The following CACNA2D1 variants were observed in gnomAD, a reference collection of about 807,000 sequenced individuals.
The protein encoded by CACNA2D1 is voltage-dependent calcium channel subunit alpha-2/delta-1.
In CACNA2D1, 53 loss-of-function variants were observed where a neutral mutation model predicts 171.5. That is an observed-to-expected ratio of 0.31 (90% CI 0.25 to 0.39). The LOEUF (loss-of-function observed/expected upper bound fraction) is 0.39, where lower values mean the gene tolerates loss of function less well. Ranked by LOEUF, CACNA2D1 falls within the 10% of genes least tolerant of loss-of-function variation. CACNA2D1 has a pLI of 1.00. For synonymous variants in CACNA2D1, 442 were observed against 443.1 expected (o/e 1.00, Z 0.03); for missense variants, 903 against 1,299.8 (o/e 0.69, Z 4.69).
intron 3 of CACNA2D1, among the ~76,000 whole-genome samples, chr7:82,231,234 C>T (rs561004930): frequency 3.3e-5 from 5 of 152,300 alleles, no homozygotes; most frequent in African/African-American, 7.2e-5. Context: ...TTTACATTTA[C>T]CTGCTCTGGG....
intron 1 of CACNA2D1, among the ~76,000 whole-genome samples, chr7:82,416,765 T>G (rs1828214900): frequency 6.6e-6 from 1 of 152,186 alleles, no homozygotes; most frequent in African/African-American, 2.4e-5. Flanking sequence ...TAAGGTCACA[T>G]TCTGAAGTAC....
chr7:82,185,726 C>G (rs1797666383), intron 3 of CACNA2D1, among the ~76,000 whole-genome samples: 1 of 151,950 alleles, frequency 6.6e-6, no homozygotes, highest in African/African-American at 2.4e-5. Context: ...ACTGTATTCA[C>G]TATGGGAAAG....
chr7:82,050,441 A>C, intron 10 of CACNA2D1: 1 of 604,018 alleles, frequency 1.7e-6, no homozygotes, highest in Non-Finnish European at 2.9e-6. Context: ...TGACAGGAGG[A>C]CAGCCAGGGG....
chr7:82,237,016 T>C (rs1462881675), intron 3 of CACNA2D1, among the ~76,000 whole-genome samples: 1 of 151,946 alleles, frequency 6.6e-6, no homozygotes, highest in East Asian at 1.9e-4. Flanking sequence ...AATAAAAATA[T>C]CCTTTAATGG....
chr7:82,305,628 T>C (rs1813629073), intron 3 of CACNA2D1, among the ~76,000 whole-genome samples: 1 of 152,204 alleles, frequency 6.6e-6, no homozygotes. Flanking sequence ...ATACTTTTTA[T>C]AACACAAGAT....
chr7:82,220,881 C>T (rs1421230486), intron 3 of CACNA2D1, among the ~76,000 whole-genome samples: 3 of 150,000 alleles, frequency 2.0e-5, no homozygotes, highest in Admixed American at 6.8e-5. Flanking sequence ...CAGGTTAAAG[C>T]GATTCTCATG....
intron 3 of CACNA2D1, among the ~76,000 whole-genome samples, chr7:82,252,439 C>A (rs1352914627): frequency 6.6e-6 from 1 of 152,160 alleles, no homozygotes; most frequent in African/African-American, 2.4e-5. Flanking sequence ...ATTAAACATG[C>A]ATTGGCTCAT....
rs371032517 is a variant in CACNA2D1 at position 82,307,406 on chromosome 7, C to T, written c.294+27729G>A. On this transcript the variant is annotated intron_variant, in intron 3 of 38. Coordinates refer to ENST00000356860, the MANE Select transcript of CACNA2D1 (RefSeq NM_000722.4). ...TCCTGACCTCAAGTGATCCTCCCGCCTCTGCCTCCCAAAGTGGTGGGATTA... is the reference window on the plus strand; with the variant it reads ...TCCTGACCTCAAGTGATCCTCCCGCTTCTGCCTCCCAAAGTGGTGGGATTA... 2.4e-4 allele frequency among the ~76,000 whole-genome samples: 37 copies of T among 151,968 alleles called. 1 individual carries two copies. In the South Asian group the frequency reaches 7.7e-3, roughly 32 times the overall value.
chr7:81,991,287 T>C (rs752546702), intron 20 of CACNA2D1, 41 bp from the exon 21 acceptor site: 1 of 971,030 alleles, frequency 1.0e-6, no homozygotes, highest in South Asian at 1.3e-5. Flanking sequence ...CTTTACATTT[T>C]GTATGAATAT....
At chr7:82,051,601 TG>T (rs1270308763) in intron 10 of CACNA2D1, among the ~76,000 whole-genome samples, 9 of 152,276 alleles carry the variant, frequency 5.9e-5, no homozygotes, top group African/African-American at 1.9e-4. Context: ...TAGTAAGAAA[TG>T]TGTGGTTTTA....
chr7:82,219,475 ATG>A (rs1387293205), intron 3 of CACNA2D1, among the ~76,000 whole-genome samples: 4 of 152,168 alleles, frequency 2.6e-5, no homozygotes, highest in Admixed American at 2.6e-4. Context: ...TTTGCTGTTT[ATG>A]TGTGACATTT....
In CACNA2D1 at chr7:82,443,603, G is replaced by C; in HGVS notation, c.-144C>G. The C allele has an allele frequency of 7.2e-7, 1 of 1,381,132 alleles. No homozygotes were observed. The highest frequency in any genetic ancestry group is 9.3e-7 in the Non-Finnish European group (1 of 1,072,324). The allele number at this position is 1,381,132 out of a possible 1,614,324, so 85.6% of individuals were successfully genotyped here. A position where few individuals can be genotyped will look rare whatever the true frequency, so the allele number is the denominator to read the frequency against. The stretch of plus-strand genomic sequence containing the variant: ...GGCTGCGCCCGGGGCCCGAGGCGCG[G>C]AGCCGCGCGGGGGACGGCAAGGGCG... On this transcript the variant is annotated 5_prime_UTR_variant, in exon 1 of 39. Coordinates refer to ENST00000356860, the MANE Select transcript of CACNA2D1 (RefSeq NM_000722.4).
intron 3 of CACNA2D1, among the ~76,000 whole-genome samples, chr7:82,259,523 C>T (rs1265134899): frequency 1.3e-5 from 2 of 152,154 alleles, no homozygotes; most frequent in Non-Finnish European, 2.9e-5. Flanking sequence ...GTTATTAGGG[C>T]TATAAGCCTG....
At chr7:82,071,241 A>C (rs978548468) in intron 7 of CACNA2D1, among the ~76,000 whole-genome samples, 1 of 152,190 alleles carries the variant, frequency 6.6e-6, no homozygotes, top group Non-Finnish European at 1.5e-5. Context: ...TTTAGACAAG[A>C]TAGTTAATCC....
intron 1 of CACNA2D1, among the ~76,000 whole-genome samples, chr7:82,424,289 T>G (rs1013943268): frequency 6.6e-6 from 1 of 152,198 alleles, no homozygotes; most frequent in African/African-American, 2.4e-5. Flanking sequence ...ATGAAGGACC[T>G]ACTTTTTAAA....
Position 81,982,472 on chromosome 7 carries a change from T to C in CACNA2D1, c.1955+95A>G, listed in dbSNP as rs1796539935. 12 of 767,634 alleles carry C rather than the reference T, an allele frequency of 1.6e-5. No homozygotes were observed. The East Asian group carries it at 2.9e-4, about 19-fold the overall frequency. The allele number at this position is 767,634 out of a possible 1,614,324, so 47.6% of individuals were successfully genotyped here. On this transcript the variant is annotated intron_variant, in intron 24 of 38. Coordinates refer to ENST00000356860, the MANE Select transcript of CACNA2D1 (RefSeq NM_000722.4). ...TTTCCTTTGATTCCATAATGTGATA[T>C]GGAACTAACCCAGAGCAGTCTTGAC...
chr7:82,017,538 G>A (rs1280724643), intron 12 of CACNA2D1, among the ~76,000 whole-genome samples: 1 of 151,736 alleles, frequency 6.6e-6, no homozygotes, highest in Non-Finnish European at 1.5e-5. Context: ...CTGCCACCAT[G>A]TGGAATAGTC....
chr7:81,967,694 T>TA, intron 29 of CACNA2D1, 31 bp from the exon 30 acceptor site: 1 of 1,004,440 alleles, frequency 1.0e-6, no homozygotes, highest in Non-Finnish European at 1.6e-6. Flanking sequence ...AATTCAAAGG[T>TA]ATAATTAGAT....
At chr7:82,284,196 A>G (rs1474515758) in intron 3 of CACNA2D1, among the ~76,000 whole-genome samples, 1 of 151,778 alleles carries the variant, frequency 6.6e-6, no homozygotes, top group Non-Finnish European at 1.5e-5. Context: ...TCCAAAAAAA[A>G]AAAGAAAAAA....
Sources: gnomAD v4.1 joint callset for allele counts (sites outside exome capture counted in the v4.1 genomes callset) on GRCh38, gnomAD v4.1.1 for gene constraint, MANE v1.5 for transcripts, NCBI Gene and HGNC (gene_info 2026-07-23, HGNC 2026-07-21) for gene names.